NR6A1: variants seen among roughly 807,000 people sequenced by gnomAD.
NR6A1 encodes retinoic acid receptor-related testis-associated receptor.
Under a neutral mutation model 59.1 loss-of-function variants are expected in NR6A1, and 7 were observed. The ratio of observed to expected loss-of-function variants is 0.12; its 90% CI spans 0.07 to 0.22. The LOEUF (loss-of-function observed/expected upper bound fraction) is 0.22. Ranked by LOEUF, NR6A1 falls within the 10% of genes least tolerant of loss-of-function variation. The pLI, the probability that NR6A1 is intolerant of heterozygous loss-of-function variation, is 1.00. For synonymous variants in NR6A1, 243 were observed against 236.1 expected (o/e 1.03, Z -0.27); for missense variants, 468 against 611.6 (o/e 0.77, Z 2.48).
At chr9:124,696,604 C>T (rs551370175) in intron 2 of NR6A1, among the ~76,000 whole-genome samples, 90 of 141,440 alleles carry the variant, frequency 6.4e-4, no homozygotes, top group Non-Finnish European at 1.1e-3. Flanking sequence ...CTCACTGCAA[C>T]CTCTGCCTCC....
At chr9:124,611,277 G>A (rs2130842263) in intron 2 of NR6A1, among the ~76,000 whole-genome samples, 1 of 152,178 alleles carries the variant, frequency 6.6e-6, no homozygotes, top group South Asian at 2.1e-4. Context: ...AAACCTAGCA[G>A]TAGTTATTAT....
intron 8 of NR6A1, among the ~76,000 whole-genome samples, chr9:124,525,755 A>C (rs1419678683): frequency 6.6e-6 from 1 of 151,996 alleles, no homozygotes; most frequent in African/African-American, 2.4e-5. Context: ...GAACATAAAT[A>C]TTCTATATAT....
intron 1 of NR6A1, among the ~76,000 whole-genome samples, chr9:124,756,042 T>C (rs1257993076): frequency 6.6e-6 from 1 of 152,214 alleles, no homozygotes; most frequent in Non-Finnish European, 1.5e-5. Context: ...AACTTAATTA[T>C]TTTTGTAGCC....
At position 124,669,947 on chromosome 9, in the gene NR6A1, T is replaced by C. The variant is rs557117239; in HGVS notation, c.142+63361A>G. Reference sequence around the variant, plus strand: ...ATATGTCTAGTAGGCCCTCGATAAATACTTACTGAATTAAGATTACAGCAA... The same window carrying C: ...ATATGTCTAGTAGGCCCTCGATAAACACTTACTGAATTAAGATTACAGCAA... On this transcript the variant is annotated intron_variant, in intron 2 of 9. Coordinates refer to ENST00000487099, the MANE Select transcript of NR6A1 (RefSeq NM_033334.4). Among the ~76,000 whole-genome samples, 15 of 152,258 alleles carry C rather than the reference T, an allele frequency of 9.9e-5. No individual in the cohort carries two copies. The South Asian group carries it at 3.1e-3, about 32-fold the overall frequency.
At chr9:124,561,914 A>AAAAT (rs936439988) in intron 2 of NR6A1, among the ~76,000 whole-genome samples, 3 of 152,338 alleles carry the variant, frequency 2.0e-5, no homozygotes, top group Non-Finnish European at 4.4e-5. Flanking sequence ...TCCGTCTCAA[A>AAAAT]AAATAAATAA....
intron 2 of NR6A1, among the ~76,000 whole-genome samples, chr9:124,613,651 G>T (rs575585473): frequency 6.6e-6 from 1 of 152,202 alleles, no homozygotes; most frequent in South Asian, 2.1e-4. Flanking sequence ...GACAGGGCAA[G>T]ACTCTATCTC....
At chr9:124,693,903 T>G in intron 2 of NR6A1, 1 of 409,240 alleles carries the variant, frequency 2.4e-6, no homozygotes. Context: ...AAGCTTTTCT[T>G]GTTCTCCTTG....
chr9:124,661,895 GA>G (rs1006395265), intron 2 of NR6A1, among the ~76,000 whole-genome samples: 19 of 152,230 alleles, frequency 1.2e-4, no homozygotes, highest in Non-Finnish European at 2.4e-4. Context: ...CCAGATATAA[GA>G]CATTTCTATC....
Position 124,771,229 on chromosome 9 carries a change from T to G in NR6A1, c.-110A>C. 1 of 555,950 alleles carries G rather than the reference T, an allele frequency of 1.8e-6. No homozygotes were observed. The highest frequency in any genetic ancestry group is 2.7e-6 in the Non-Finnish European group (1 of 372,274). 34.4% of individuals were successfully genotyped at this position (555,950 alleles called of 1,614,324 possible). Reference sequence around the variant, plus strand: ...AGGAGGTTGTCAGGAGCCCGCGAGCTCCCGGCCGCGGCTCTCTCTGGGCCC... The same window carrying G: ...AGGAGGTTGTCAGGAGCCCGCGAGCGCCCGGCCGCGGCTCTCTCTGGGCCC... On this transcript the variant is annotated 5_prime_UTR_variant, in exon 1 of 10. Transcript: ENST00000487099.
chr9:124,717,787 T>C (rs1388292803), intron 2 of NR6A1, among the ~76,000 whole-genome samples: 2 of 152,238 alleles, frequency 1.3e-5, no homozygotes, highest in African/African-American at 4.8e-5. Flanking sequence ...ACTTACCAGC[T>C]GTGTGACCTT....
intron 1 of NR6A1, among the ~76,000 whole-genome samples, chr9:124,756,499 T>TA (rs1588857805): frequency 6.6e-6 from 1 of 152,158 alleles, no homozygotes; most frequent in Non-Finnish European, 1.5e-5. Flanking sequence ...TATGCTTTAA[T>TA]AAAAAAATGT....
intron 2 of NR6A1, among the ~76,000 whole-genome samples, chr9:124,690,178 G>A (rs530878821): frequency 2.0e-5 from 3 of 152,304 alleles, no homozygotes; most frequent in African/African-American, 7.2e-5. Flanking sequence ...GACGGCACCT[G>A]AGACGATGAC....
chr9:124,680,531 T>G (rs1237196898), intron 2 of NR6A1, among the ~76,000 whole-genome samples: 1 of 152,144 alleles, frequency 6.6e-6, no homozygotes, highest in Non-Finnish European at 1.5e-5. Context: ...CGCTAAATAT[T>G]TAGGCAATAA....
At chr9:124,564,063 G>C (rs1421652379) in intron 2 of NR6A1, among the ~76,000 whole-genome samples, 5 of 152,058 alleles carry the variant, frequency 3.3e-5, no homozygotes, top group African/African-American at 1.2e-4. Flanking sequence ...GGATGACAAA[G>C]CAAGACGCTG....
At chr9:124,732,679 G>A (rs1055379452) in intron 2 of NR6A1, among the ~76,000 whole-genome samples, 3 of 151,796 alleles carry the variant, frequency 2.0e-5, no homozygotes, top group Non-Finnish European at 4.4e-5. Flanking sequence ...TTGTCCATGT[G>A]CATAAATGCA....
chr9:124,721,636 CA>C (rs2131097518), intron 2 of NR6A1, among the ~76,000 whole-genome samples: 1 of 152,306 alleles, frequency 6.6e-6, no homozygotes, highest in Non-Finnish European at 1.5e-5. Flanking sequence ...CCACAGAAGA[CA>C]ACTCGGGAAC....
chr9:124,685,629 C>G (rs909071280), intron 2 of NR6A1, among the ~76,000 whole-genome samples: 23 of 152,184 alleles, frequency 1.5e-4, no homozygotes, highest in African/African-American at 4.8e-4. Context: ...TGTGCCCAGC[C>G]TACACTTTTA....
intron 2 of NR6A1, among the ~76,000 whole-genome samples, chr9:124,695,577 C>T (rs1209852385): frequency 6.6e-6 from 1 of 152,024 alleles, no homozygotes; most frequent in African/African-American, 2.4e-5. Flanking sequence ...GCCATGTTGG[C>T]CAGGCTGGTC....
At position 124,520,814 on chromosome 9, in the gene NR6A1, T is replaced by C. The variant is rs1026006845; in HGVS notation, c.*1891A>G. ...ACACACAAGAATCTTCCCACTGACG[T>C]GAAAAACATGCTAGCTGGAGCTTTT... On this transcript the variant is annotated 3_prime_UTR_variant, in exon 10 of 10. Transcript: ENST00000487099. The C allele has an allele frequency of 6.6e-6, 1 of 152,218 alleles. No homozygotes were observed. Among genetic ancestry groups the C allele is most frequent in the Non-Finnish European group, 1.5e-5 (1 of 68,038 alleles). 9.4% of individuals were successfully genotyped at this position (152,218 alleles called of 1,614,324 possible).
Sources: gnomAD v4.1 joint callset for allele counts (sites outside exome capture counted in the v4.1 genomes callset) on GRCh38, gnomAD v4.1.1 for gene constraint, MANE v1.5 for transcripts, NCBI Gene and HGNC (gene_info 2026-07-23, HGNC 2026-07-21) for gene names.